The following PPM1B variants were observed in gnomAD, a reference collection of about 807,000 sequenced individuals.
PPM1B encodes protein phosphatase, Mg2+/Mn2+ dependent 1B.
In PPM1B, 22 loss-of-function variants were observed where a neutral mutation model predicts 43.0. The ratio of observed to expected loss-of-function variants is 0.51; its 90% CI spans 0.37 to 0.73. The LOEUF (loss-of-function observed/expected upper bound fraction) is 0.73, where lower values mean the gene tolerates loss of function less well. PPM1B is among the 30% of genes least tolerant of loss of function. The pLI is 0.00. For synonymous variants in PPM1B, 217 were observed against 197.9 expected, an observed-to-expected ratio of 1.10 and a Z score of -0.81; for missense variants, 632 against 584.2, an observed-to-expected ratio of 1.08 and a Z score of -0.84.
chr2:44,225,040 C>T (rs1003997426), intron 5 of PPM1B, among the ~76,000 whole-genome samples: 1 of 152,232 alleles, frequency 6.6e-6, no homozygotes, highest in South Asian at 2.1e-4. Context: ...CAGAGCCCTG[C>T]CATTTACTAA....
At chr2:44,239,368 G>A (rs1670697535), downstream of PPM1B, among the ~76,000 whole-genome samples, 1 of 151,766 alleles carries the variant, frequency 6.6e-6, no homozygotes, top group Non-Finnish European at 1.5e-5. Flanking sequence ...TAATTGATTT[G>A]TCTTTTTCTA....
chr2:44,237,381 G>C (rs553661376), downstream of PPM1B, among the ~76,000 whole-genome samples: 11 of 152,276 alleles, frequency 7.2e-5, no homozygotes, highest in East Asian at 2.1e-3. Context: ...CTCACTTCCT[G>C]CTGGCTTTTC....
intron 5 of PPM1B, among the ~76,000 whole-genome samples, chr2:44,225,569 C>G (rs998385025): frequency 6.6e-6 from 1 of 152,188 alleles, no homozygotes; most frequent in Non-Finnish European, 1.5e-5. Context: ...AGCTAAAGTT[C>G]TTCTCAATTT....
At chr2:44,194,225 A>G (rs1043611491) in intron 1 of PPM1B, among the ~76,000 whole-genome samples, 2 of 151,776 alleles carry the variant, frequency 1.3e-5, no homozygotes, top group African/African-American at 4.8e-5. Flanking sequence ...ATAGCTCCTC[A>G]TATTTAAGTG....
chr2:44,218,096 C>G lies in PPM1B; in HGVS notation c.1076+18C>G, dbSNP rs75054378. 6.0e-4 allele frequency: 943 copies of G among 1,560,244 alleles called. 5 individuals are homozygous for G. The African/African-American group carries it at 0.012, about 20-fold the overall frequency. Reference sequence around the variant, plus strand: ...GCTGGCAAGTAAGTAGAACAAAAAGCTAATTTTGAGTTCGTTCATAATTAG... The same window carrying G: ...GCTGGCAAGTAAGTAGAACAAAAAGGTAATTTTGAGTTCGTTCATAATTAG... On this transcript the variant is annotated intron_variant, in intron 4 of 5. Coordinates refer to ENST00000282412, the MANE Select transcript of PPM1B (RefSeq NM_002706.6).
Position 44,231,376 on chromosome 2 carries a change from G to A in PPM1B, c.*658G>A. On this transcript the variant is annotated 3_prime_UTR_variant, in exon 6 of 6. Transcript: ENST00000282412. ...AGCTTTGGTTTGTATATTCTGTATA[G>A]CCTAACTACACACATCAAAATGTAT... is the stretch of plus-strand genomic sequence containing the variant. 1.7e-5 allele frequency: 17 copies of A among 973,888 alleles called. No individual in the cohort carries two copies. The highest frequency in any genetic ancestry group is 2.1e-5 in the Non-Finnish European group (17 of 819,576). 60.3% of individuals were successfully genotyped at this position (973,888 alleles called of 1,614,324 possible). A position where few individuals can be genotyped will look rare whatever the true frequency, so the allele number is the denominator to read the frequency against.
rs1668165832 is a variant in PPM1B at position 44,187,206 on chromosome 2, A to T, written c.-14-13980A>T. 3.3e-5 allele frequency among the ~76,000 whole-genome samples: 5 copies of T among 152,164 alleles called. No homozygotes were observed. The South Asian group carries it at 1.0e-3, about 32-fold the overall frequency. On this transcript the variant is annotated intron_variant, in intron 1 of 5. Coordinates refer to ENST00000282412, the MANE Select transcript of PPM1B (RefSeq NM_002706.6). ...TAGTATTTGTCTTTTTGTGACTGACATGTTGTCCATGTTGTAGCATGTGAC... is the reference window on the plus strand; with the variant it reads ...TAGTATTTGTCTTTTTGTGACTGACTTGTTGTCCATGTTGTAGCATGTGAC...
At chr2:44,218,974 G>T in intron 5 of PPM1B, 1 of 418,270 alleles carries the variant, frequency 2.4e-6, no homozygotes, top group Non-Finnish European at 4.7e-6. Flanking sequence ...TGCCCACTTG[G>T]AATACCCGAG....
At chr2:44,217,423 A>G (rs995429969) in intron 3 of PPM1B, among the ~76,000 whole-genome samples, 2 of 152,018 alleles carry the variant, frequency 1.3e-5, no homozygotes, top group African/African-American at 4.8e-5. Flanking sequence ...AAGCTGTAGA[A>G]TGTAACTATT....
intron 1 of PPM1B, among the ~76,000 whole-genome samples, chr2:44,180,684 C>G (rs1667832718): frequency 6.6e-6 from 1 of 151,852 alleles, no homozygotes; most frequent in African/African-American, 2.4e-5. Flanking sequence ...GATCATATCT[C>G]ACTGCAGCCT....
chr2:44,222,113 TAGAC>T (rs1431616041), intron 5 of PPM1B, among the ~76,000 whole-genome samples: 2 of 152,088 alleles, frequency 1.3e-5, no homozygotes, highest in Admixed American at 6.5e-5. Context: ...GTCTTTATAT[TAGAC>T]AGGGCTCTGG....
rs1668064178 is a variant in PPM1B, at chr2:44,185,240, T to C, written c.-14-15946T>C. On this transcript the variant is annotated intron_variant, in intron 1 of 5. Coordinates refer to ENST00000282412, the MANE Select transcript of PPM1B (RefSeq NM_002706.6). The stretch of plus-strand genomic sequence containing the variant: ...TGCCTATAGTTGTGTCTTGTAGAAT[T>C]TGGAAAAGCATGACAAGTGACGTTA... Among the ~76,000 whole-genome samples the C allele has an allele frequency of 2.0e-5, 3 of 152,172 alleles. No individual in the cohort carries two copies. In the South Asian group the frequency reaches 6.2e-4, roughly 31 times the overall value.
At chr2:44,181,965 G>C (rs1247703030) in intron 1 of PPM1B, among the ~76,000 whole-genome samples, 1 of 152,106 alleles carries the variant, frequency 6.6e-6, no homozygotes, top group Non-Finnish European at 1.5e-5. Context: ...AAAGAATAAA[G>C]TTTTTTTGAT....
intron 1 of PPM1B, among the ~76,000 whole-genome samples, chr2:44,183,761 C>CA (rs1667992592): frequency 6.6e-6 from 1 of 151,992 alleles, no homozygotes; most frequent in African/African-American, 2.4e-5. Flanking sequence ...TTTTTCAAGA[C>CA]AGAGTCTCGC....
downstream of PPM1B, among the ~76,000 whole-genome samples, chr2:44,245,877 G>A (rs182960731): frequency 2.6e-5 from 4 of 152,304 alleles, no homozygotes; most frequent in Admixed American, 6.5e-5. Context: ...CCTTCAGCAC[G>A]CTGACTCCAT....
chr2:44,188,683 A>C (rs1668245898), intron 1 of PPM1B, among the ~76,000 whole-genome samples: 3 of 151,546 alleles, frequency 2.0e-5, no homozygotes, highest in African/African-American at 7.3e-5. Flanking sequence ...GGCATGAGCC[A>C]CTATGCCCAG....
chr2:44,209,286 A>C lies in PPM1B; in HGVS notation c.923A>C (p.Lys308Thr), dbSNP rs865993571. 2 of 1,614,104 alleles carry C rather than the reference A, an allele frequency of 1.2e-6. No individual in the cohort carries two copies. Among genetic ancestry groups the C allele is most frequent in the African/African-American group, 1.3e-5 (1 of 75,048 alleles). ...AAGGTCTCAGATGAAGCGGTGAAAA[A>C]AGATTCAGAGTTGGATAAGCACTTG... is the stretch of plus-strand genomic sequence containing the variant. Reference protein sequence around the residue: ...APKVSDEAVKKDSELDKHLES... With the variant: ...APKVSDEAVKTDSELDKHLES... The change falls in exon 3 of 6, where the codon AAA becomes ACA. Residue 308 changes from lysine to threonine, a missense_variant. Transcript: ENST00000282412.
rs58530902 is a variant in PPM1B, at chr2:44,223,814, TAAAAAAAAAAAAAAAA to T, written c.1134+5292_1134+5307del. ...CTGGGCAACAGAGTGGGACTCTGTC[TAAAAAAAAAAAAAAAA>T]AAAAAAAAAAAAAAGAGAGAGAGAG... On this transcript the variant is annotated intron_variant, in intron 5 of 5. Transcript: ENST00000282412. Among the ~76,000 whole-genome samples the T allele has an allele frequency of 1.9e-4, 7 of 36,060 alleles. No homozygotes were observed. In the East Asian group the frequency reaches 2.9e-3, roughly 15 times the overall value. 23.7% of individuals were successfully genotyped at this position (36,060 alleles called of 152,430 possible).
At chr2:44,193,575 C>CTTTTTT (rs575288322) in intron 1 of PPM1B, among the ~76,000 whole-genome samples, 1 of 116,714 alleles carries the variant, frequency 8.6e-6, no homozygotes, top group Non-Finnish European at 1.7e-5. Context: ...AATTTTTTTT[C>CTTTTTT]TTTTTTTTTT....
Sources: allele counts gnomAD v4.1 joint callset (sites outside exome capture counted in the v4.1 genomes callset), GRCh38; gene constraint gnomAD v4.1.1; transcripts MANE v1.5; gene names NCBI Gene and HGNC (gene_info 2026-07-23, HGNC 2026-07-21).